DSTN: variants seen among roughly 807,000 people sequenced by gnomAD.
DSTN encodes the protein destrin, actin depolymerizing factor.
A neutral mutation model predicts 16.8 loss-of-function variants in DSTN; 10 were observed. The observed-to-expected ratio is 0.60, with a 90% CI of 0.37 to 1.01. The LOEUF is 1.01. Among genes scored for constraint, DSTN ranks in the 50% least tolerant of loss-of-function variants. The probability of loss-of-function intolerance (pLI) is 0.01; values close to 1 mark genes in which losing one functional copy is unlikely to be tolerated. For missense variants in DSTN, 141 were observed against 196.7 expected (o/e 0.72, Z 1.69); for synonymous variants, 57 against 58.9 (o/e 0.97, Z 0.14).
chr20:17,593,285 G>A (rs1405379633), intron 1 of DSTN, among the ~76,000 whole-genome samples: 1 of 152,100 alleles, frequency 6.6e-6, no homozygotes, highest in Non-Finnish European at 1.5e-5. Context: ...AAGGAATAAT[G>A]TATATTCTAC....
At chr20:17,576,294 T>A (rs1483132577) in intron 1 of DSTN, 1 of 153,010 alleles carries the variant, frequency 6.5e-6, no homozygotes, top group Non-Finnish European at 1.5e-5. Flanking sequence ...TTGGAGGTTC[T>A]AGCAGGGGAG....
Position 17,608,810 on chromosome 20 carries a change from G to C in DSTN, c.*1664G>C, listed in dbSNP as rs944444566. On this transcript the variant is annotated 3_prime_UTR_variant, in exon 4 of 4. Coordinates refer to ENST00000246069, the MANE Select transcript of DSTN (RefSeq NM_006870.4). ...CCTACCACATGCCATCACATGGTTA[G>C]CATTTTGATACACAGCTGTGCATTA... 1 of 152,192 alleles carries C rather than the reference G, an allele frequency of 6.6e-6. No individual in the cohort carries two copies. Among genetic ancestry groups the C allele is most frequent in the African/African-American group, 2.4e-5 (1 of 41,438 alleles). 9.4% of individuals were successfully genotyped at this position (152,192 alleles called of 1,614,324 possible).
At chr20:17,601,775 C>A (rs1033499108) in intron 2 of DSTN, among the ~76,000 whole-genome samples, 13 of 151,940 alleles carry the variant, frequency 8.6e-5, no homozygotes, top group Non-Finnish European at 1.6e-4. Flanking sequence ...TTTAGTTATT[C>A]TGGTCTTTTC....
intron 1 of DSTN, among the ~76,000 whole-genome samples, chr20:17,578,016 G>T (rs959718471): frequency 6.6e-6 from 1 of 152,240 alleles, no homozygotes; most frequent in Non-Finnish European, 1.5e-5. Flanking sequence ...TAAGTCACAT[G>T]TGGCTAGTGG....
chr20:17,593,678 G>A (rs1392233041), intron 1 of DSTN, among the ~76,000 whole-genome samples: 2 of 152,208 alleles, frequency 1.3e-5, no homozygotes, highest in African/African-American at 4.8e-5. Flanking sequence ...AGGCCCTGAA[G>A]TGGGCCAGAG....
intron 1 of DSTN, 81 bp downstream of exon 1, chr20:17,570,292 G>A: frequency 7.2e-7 from 1 of 1,392,014 alleles, no homozygotes; most frequent in Non-Finnish European, 9.3e-7. Context: ...TCGGGGCTAA[G>A]GGGGTGAGCC....
rs945349955 is a variant in DSTN at position 17,570,131 on chromosome 20, C to CA, written c.-77dup. The CA allele has an allele frequency of 1.7e-5, 26 of 1,510,020 alleles. No individual in the cohort carries two copies. In the African/African-American group the frequency reaches 3.5e-4, roughly 20 times the overall value. 93.5% of individuals were successfully genotyped at this position (1,510,020 alleles called of 1,614,324 possible). On this transcript the variant is annotated 5_prime_UTR_variant, in exon 1 of 4. Transcript: ENST00000246069. ...CTCAGCGCTGGGTCTCTCGGTCCCG[C>CA]AGCCGTGAGGAGGACGGTCTGCATA...
In DSTN at chr20:17,598,252, T is replaced by C. The variant is rs146629917; in HGVS notation, c.4-2486T>C. On this transcript the variant is annotated intron_variant, in intron 1 of 3. Coordinates refer to ENST00000246069, the MANE Select transcript of DSTN (RefSeq NM_006870.4). The stretch of plus-strand genomic sequence containing the variant: ...TCAGGTGTTAACTTTATGTTTAACT[T>C]TTTGAGGAACTGCCAAACTGTTTGC... Among the ~76,000 whole-genome samples, 155 of 152,316 alleles carry C rather than the reference T, an allele frequency of 1.0e-3. 1 individual carries two copies. The highest frequency in any genetic ancestry group is 3.4e-3 in the African/African-American group (143 of 41,568).
Position 17,608,600 on chromosome 20 carries a change from A to C in DSTN, c.*1454A>C, listed in dbSNP as rs890220140. On this transcript the variant is annotated 3_prime_UTR_variant, in exon 4 of 4. Transcript: ENST00000246069. ...GCCACTGTACTCCAGCCTGGATGAC[A>C]GAGCAAGACCTTGTCTCAAAAAAAA... 4.7e-5 allele frequency: 7 copies of C among 148,196 alleles called. No homozygotes were observed. Among genetic ancestry groups the C allele is most frequent in the African/African-American group, 1.8e-4 (7 of 39,242 alleles). The allele number at this position is 148,196 out of a possible 1,614,324, so 9.2% of individuals were successfully genotyped here. A position where few individuals can be genotyped will look rare whatever the true frequency, so the allele number is the denominator to read the frequency against.
chr20:17,574,870 G>GTGTTTT (rs2035257816), intron 1 of DSTN, among the ~76,000 whole-genome samples: 1 of 81,158 alleles, frequency 1.2e-5, no homozygotes, highest in African/African-American at 4.9e-5. Context: ...CTTTTCTTTT[G>GTGTTTT]TTTTTTTTTT....
intron 1 of DSTN, among the ~76,000 whole-genome samples, chr20:17,576,041 T>C (rs916783314): frequency 2.0e-5 from 3 of 152,212 alleles, no homozygotes; most frequent in Non-Finnish European, 4.4e-5. Context: ...TTCTTGAAAT[T>C]TTACAATTGG....
intron 1 of DSTN, chr20:17,596,936 G>A (rs535108410): frequency 9.6e-6 from 6 of 622,470 alleles, no homozygotes; most frequent in African/African-American, 2.0e-5. Flanking sequence ...ATTGATTGAT[G>A]TATTTAAAGA....
Position 17,588,052 on chromosome 20 carries a change from C to T in DSTN, c.4-12686C>T, listed in dbSNP as rs1451635817. 6.6e-5 allele frequency among the ~76,000 whole-genome samples: 10 copies of T among 152,250 alleles called. No individual in the cohort carries two copies. The East Asian group carries it at 1.7e-3, about 26-fold the overall frequency. On this transcript the variant is annotated intron_variant, in intron 1 of 3. Transcript: ENST00000246069. ...CCCTACTTGCTTTTTTTCTCTTGCA[C>T]AGTGTATGACCATACCCTCCTTCTT...
intron 1 of DSTN, among the ~76,000 whole-genome samples, chr20:17,598,856 C>G (rs1380644356): frequency 6.6e-6 from 1 of 152,140 alleles, no homozygotes; most frequent in Non-Finnish European, 1.5e-5. Context: ...CCCTCTCCCT[C>G]TAAAGTGCTG....
At chr20:17,585,670 TACATAC>T (rs1474635806) in intron 1 of DSTN, among the ~76,000 whole-genome samples, 2 of 152,134 alleles carry the variant, frequency 1.3e-5, no homozygotes, top group Non-Finnish European at 1.5e-5. Context: ...CACATATATA[TACATAC>T]ACATATATAG....
chr20:17,607,380 T>G lies in DSTN; in HGVS notation c.*234T>G. 2.5e-6 allele frequency: 1 copy of G among 402,974 alleles called. No individual in the cohort carries two copies. The allele number at this position is 402,974 out of a possible 1,614,324, so 25.0% of individuals were successfully genotyped here. A position where few individuals can be genotyped will look rare whatever the true frequency, so the allele number is the denominator to read the frequency against. On this transcript the variant is annotated 3_prime_UTR_variant, in exon 4 of 4. Coordinates refer to ENST00000246069, the MANE Select transcript of DSTN (RefSeq NM_006870.4). ...CAAATGCCTGTTTTGATGAGTTGAT[T>G]TATAAAGATTTTTGTTAAGCTCAGG...
intron 1 of DSTN, among the ~76,000 whole-genome samples, chr20:17,573,376 A>C (rs1243068596): frequency 1.3e-5 from 2 of 152,110 alleles, no homozygotes; most frequent in South Asian, 4.1e-4. Flanking sequence ...TGGTTCTTCA[A>C]CTGCTGAATT....
At chr20:17,577,103 A>G (rs374243278) in intron 1 of DSTN, among the ~76,000 whole-genome samples, 1 of 152,240 alleles carries the variant, frequency 6.6e-6, no homozygotes, top group East Asian at 1.9e-4. Context: ...TAAAGTGTAT[A>G]TGAAACACAA....
intron 1 of DSTN, among the ~76,000 whole-genome samples, chr20:17,594,311 T>A (rs1429955005): frequency 2.6e-5 from 4 of 152,064 alleles, no homozygotes; most frequent in African/African-American, 9.7e-5. Context: ...TAAAGATTTG[T>A]CTCTGTCACG....
Sources: allele counts gnomAD v4.1 joint callset (sites outside exome capture counted in the v4.1 genomes callset), GRCh38; gene constraint gnomAD v4.1.1; transcripts MANE v1.5; gene names NCBI Gene and HGNC (gene_info 2026-07-23, HGNC 2026-07-21).